Variants in NRG3 observed in about 807,000 individuals in gnomAD.
NRG3 encodes neuregulin 3, also known as pro-neuregulin-3, membrane-bound isoform.
NRG3 carries 31 observed loss-of-function variants against 66.9 expected under a neutral mutation model. That is an observed-to-expected ratio of 0.46 (90% CI 0.35 to 0.63). NRG3 has a LOEUF of 0.63. Ranked by LOEUF, NRG3 falls within the 20% of genes least tolerant of loss-of-function variation. The probability of loss-of-function intolerance (pLI) is 0.00; values close to 1 mark genes in which losing one functional copy is unlikely to be tolerated. For synonymous variants in NRG3, 393 were observed against 359.4 expected, an observed-to-expected ratio of 1.09 and a Z score of -1.06; for missense variants, 910 against 878.9, an observed-to-expected ratio of 1.04 and a Z score of -0.45.
chr10:82,692,799 T>G (rs1029644945), intron 2 of NRG3, among the ~76,000 whole-genome samples: 1 of 152,226 alleles, frequency 6.6e-6, no homozygotes, highest in Non-Finnish European at 1.5e-5. Flanking sequence ...TTCTTCCGTA[T>G]CTGCGTAGGC....
intron 4 of NRG3, 90 bp from the exon 5 acceptor site, chr10:82,951,379 G>A: frequency 2.0e-6 from 2 of 980,716 alleles, no homozygotes; most frequent in Non-Finnish European, 1.6e-6. Context: ...GGCTTTGAAA[G>A]ACTCCTACCA....
chr10:82,720,810 CATATATATATATATATATAT>C (rs5786567), intron 2 of NRG3, among the ~76,000 whole-genome samples: 5 of 114,740 alleles, frequency 4.4e-5, no homozygotes, highest in Non-Finnish European at 6.6e-5. Flanking sequence ...GTATTTTATA[CATATATATATATATATATAT>C]ATATATATAT....
chr10:82,262,629 A>C (rs72827304), intron 1 of NRG3, among the ~76,000 whole-genome samples: 23,592 of 152,196 alleles, frequency 0.16, 1,893 homozygotes, highest in East Asian at 0.24. Context: ...GGTCTGATAC[A>C]TGCAGCATCT....
At chr10:82,807,148 C>A (rs760087460) in intron 3 of NRG3, among the ~76,000 whole-genome samples, 2 of 152,164 alleles carry the variant, frequency 1.3e-5, no homozygotes, top group African/African-American at 4.8e-5. Context: ...CCAACAATTT[C>A]TTTCCCTCTA....
At chr10:82,175,392 A>G (rs1399224442) in intron 1 of NRG3, among the ~76,000 whole-genome samples, 1 of 152,156 alleles carries the variant, frequency 6.6e-6, no homozygotes, top group Non-Finnish European at 1.5e-5. Context: ...CGCCTTTTAC[A>G]GCATCACCTT....
chr10:82,813,460 C>T (rs1210957165), intron 3 of NRG3, among the ~76,000 whole-genome samples: 5 of 151,950 alleles, frequency 3.3e-5, no homozygotes, highest in African/African-American at 7.2e-5. Context: ...GTGATCCACC[C>T]GCCTCAGCCT....
At chr10:82,286,213 A>G (rs113995272) in intron 1 of NRG3, among the ~76,000 whole-genome samples, 1 of 152,322 alleles carries the variant, frequency 6.6e-6, no homozygotes, top group African/African-American at 2.4e-5. Flanking sequence ...TGATTTGGCA[A>G]AGGAATTTTA....
At chr10:82,082,754 G>A (rs531803918) in intron 1 of NRG3, among the ~76,000 whole-genome samples, 3 of 152,240 alleles carry the variant, frequency 2.0e-5, no homozygotes, top group African/African-American at 4.8e-5. Context: ...CACCTGAATG[G>A]AAAACCTCCA....
At chr10:82,808,576 A>G (rs760700619) in intron 3 of NRG3, among the ~76,000 whole-genome samples, 1 of 152,118 alleles carries the variant, frequency 6.6e-6, no homozygotes, top group Non-Finnish European at 1.5e-5. Flanking sequence ...ATAGCCTTAG[A>G]ATGAAAAAAA....
At chr10:82,228,272 A>G (rs992810845) in intron 1 of NRG3, among the ~76,000 whole-genome samples, 3 of 152,244 alleles carry the variant, frequency 2.0e-5, no homozygotes, top group African/African-American at 7.2e-5. Flanking sequence ...TGGGTGTTGT[A>G]GAGTTGAATT....
intron 1 of NRG3, among the ~76,000 whole-genome samples, chr10:81,977,174 G>T (rs1222733498): frequency 6.6e-6 from 1 of 152,184 alleles, no homozygotes; most frequent in Non-Finnish European, 1.5e-5. Context: ...TGACTTCCCA[G>T]ATTGAATGAG....
chr10:82,665,791 C>A (rs1056085575), intron 2 of NRG3, among the ~76,000 whole-genome samples: 2 of 152,130 alleles, frequency 1.3e-5, no homozygotes, highest in African/African-American at 2.4e-5. Flanking sequence ...CCCATTGAAC[C>A]CACCCTCTCT....
At chr10:81,919,332 C>T (rs990647141) in intron 1 of NRG3, among the ~76,000 whole-genome samples, 19 of 152,136 alleles carry the variant, frequency 1.2e-4, no homozygotes, top group African/African-American at 4.1e-4. Flanking sequence ...AACCGAGCGT[C>T]GACACTTGAT....
chr10:82,415,771 C>T, intron 2 of NRG3, among the ~76,000 whole-genome samples: 1 of 152,160 alleles, frequency 6.6e-6, no homozygotes, highest in Non-Finnish European at 1.5e-5. Flanking sequence ...GTGAAAGAAC[C>T]ATTAATTATG....
chr10:82,524,595 T>C (rs1237788464), intron 2 of NRG3, among the ~76,000 whole-genome samples: 11 of 151,886 alleles, frequency 7.2e-5, no homozygotes, highest in Non-Finnish European at 1.6e-4. Flanking sequence ...ATATATATAA[T>C]CACTTTTAGG....
chr10:81,951,479 C>A (rs1247841175), intron 1 of NRG3, among the ~76,000 whole-genome samples: 2 of 152,090 alleles, frequency 1.3e-5, no homozygotes, highest in Non-Finnish European at 1.5e-5. Flanking sequence ...TGAGCTTATA[C>A]ACACACACAG....
chr10:82,730,087 C>T (rs1458828921), intron 2 of NRG3, among the ~76,000 whole-genome samples: 28 of 141,632 alleles, frequency 2.0e-4, no homozygotes, highest in African/African-American at 6.3e-4. Flanking sequence ...TTTTTTTTTT[C>T]CTTTTTTTTT....
intron 1 of NRG3, among the ~76,000 whole-genome samples, chr10:82,175,366 C>A (rs1261318558): frequency 6.6e-6 from 1 of 152,140 alleles, no homozygotes; most frequent in African/African-American, 2.4e-5. Context: ...TAAAGTCCAA[C>A]CTCCTTTAGC....
intron 1 of NRG3, among the ~76,000 whole-genome samples, chr10:82,098,580 A>G (rs1421113127): frequency 6.6e-6 from 1 of 152,172 alleles, no homozygotes. Context: ...GGCATTTTCT[A>G]TTCAAATAGA....
Sources: allele counts gnomAD v4.1 joint callset (sites outside exome capture counted in the v4.1 genomes callset), GRCh38; gene constraint gnomAD v4.1.1; transcripts MANE v1.5; gene names NCBI Gene and HGNC (gene_info 2026-07-23, HGNC 2026-07-21).